KCNIP4: variants seen among roughly 807,000 people sequenced by gnomAD.
The protein encoded by KCNIP4 is potassium voltage-gated channel interacting protein 4, also known as Kv channel-interacting protein 4.
KCNIP4 carries 12 observed loss-of-function variants against 34.0 expected under a neutral mutation model. The observed-to-expected ratio is 0.35, with a 90% CI of 0.23 to 0.57. The LOEUF is 0.57. KCNIP4 is among the 20% of genes least tolerant of loss of function. The pLI is 0.83. For synonymous variants in KCNIP4, 124 were observed against 102.2 expected (o/e 1.21, Z -1.29); for missense variants, 238 against 311.7 (o/e 0.76, Z 1.78).
At chr4:21,657,087 G>A (rs1389935709) in intron 1 of KCNIP4, among the ~76,000 whole-genome samples, 6 of 152,176 alleles carry the variant, frequency 3.9e-5, no homozygotes, top group African/African-American at 1.4e-4. Context: ...CAGCTAGTGT[G>A]ATGAATAATA....
intron 2 of KCNIP4, among the ~76,000 whole-genome samples, chr4:20,871,303 C>G (rs1723433081): frequency 6.6e-6 from 1 of 152,000 alleles, no homozygotes; most frequent in Non-Finnish European, 1.5e-5. Flanking sequence ...AGACATGGTT[C>G]TGAAGTTGAT....
chr4:21,087,181 T>C (rs1746535588), intron 1 of KCNIP4, among the ~76,000 whole-genome samples: 1 of 149,762 alleles, frequency 6.7e-6, no homozygotes, highest in African/African-American at 2.5e-5. Context: ...TGTGTGTGTG[T>C]GTGTGTGTGT....
At chr4:21,109,230 T>A (rs981765495) in intron 1 of KCNIP4, among the ~76,000 whole-genome samples, 5 of 152,218 alleles carry the variant, frequency 3.3e-5, no homozygotes, top group African/African-American at 9.6e-5. Context: ...CAGGCAGGCC[T>A]CCTTGAGCTG....
chr4:20,925,153 T>G (rs1048417319), intron 1 of KCNIP4, among the ~76,000 whole-genome samples: 2 of 152,144 alleles, frequency 1.3e-5, no homozygotes, highest in Non-Finnish European at 2.9e-5. Flanking sequence ...GTTACCTGTG[T>G]TGGGAGTCCC....
In KCNIP4 at chr4:21,410,153, G is replaced by A. The variant is rs115358771; in HGVS notation, c.62-527444C>T. On this transcript the variant is annotated intron_variant, in intron 1 of 8. Transcript: ENST00000382152. Reference sequence around the variant, plus strand: ...TATATTTTGTTCAAATTAACAATGAGACCCATGGCTTTGAATTCAAAAGTG... The same window carrying A: ...TATATTTTGTTCAAATTAACAATGAAACCCATGGCTTTGAATTCAAAAGTG... Among the ~76,000 whole-genome samples the A allele has an allele frequency of 6.3e-3, 963 of 152,230 alleles. 13 individuals are homozygous for A. Among genetic ancestry groups the A allele is most frequent in the African/African-American group, 0.022 (911 of 41,546 alleles).
chr4:20,987,001 C>G (rs1444760626), intron 1 of KCNIP4, among the ~76,000 whole-genome samples: 1 of 152,158 alleles, frequency 6.6e-6, no homozygotes, highest in African/African-American at 2.4e-5. Context: ...GGCTCTTTCA[C>G]ATGCACCCCC....
intron 1 of KCNIP4, among the ~76,000 whole-genome samples, chr4:21,168,492 C>A (rs1753795433): frequency 6.6e-6 from 1 of 152,140 alleles, no homozygotes; most frequent in African/African-American, 2.4e-5. Context: ...TAACCATAGG[C>A]TAGATAGGCT....
intron 1 of KCNIP4, among the ~76,000 whole-genome samples, chr4:21,225,706 C>A (rs1170320460): frequency 1.3e-5 from 2 of 152,070 alleles, no homozygotes; most frequent in Non-Finnish European, 2.9e-5. Context: ...AGGTTAGATT[C>A]ATTGCTTTTA....
intron 1 of KCNIP4, among the ~76,000 whole-genome samples, chr4:21,250,329 C>A (rs1760612345): frequency 6.6e-6 from 1 of 151,850 alleles, no homozygotes; most frequent in Non-Finnish European, 1.5e-5. Context: ...TATGAAACTT[C>A]TTCCTTACAG....
intron 1 of KCNIP4, among the ~76,000 whole-genome samples, chr4:21,183,087 A>G (rs945872670): frequency 6.6e-6 from 1 of 152,124 alleles, no homozygotes; most frequent in Non-Finnish European, 1.5e-5. Context: ...GATTTCACAT[A>G]TATGTGATCT....
At chr4:21,578,043 T>G (rs943861085) in intron 1 of KCNIP4, among the ~76,000 whole-genome samples, 2 of 151,656 alleles carry the variant, frequency 1.3e-5, no homozygotes, top group Non-Finnish European at 2.9e-5. Flanking sequence ...GTGTAGATTA[T>G]TAAGAGTTCA....
chr4:21,253,385 C>A (rs1407788421), intron 1 of KCNIP4, among the ~76,000 whole-genome samples: 1 of 152,174 alleles, frequency 6.6e-6, no homozygotes, highest in Non-Finnish European at 1.5e-5. Context: ...GAATAAATTT[C>A]AGTAGGTTAT....
chr4:21,785,677 C>T (rs982857765), intron 1 of KCNIP4, among the ~76,000 whole-genome samples: 12 of 152,244 alleles, frequency 7.9e-5, no homozygotes, highest in East Asian at 3.9e-4. Flanking sequence ...CCTAAGTATT[C>T]GCTAACCTAT....
intron 1 of KCNIP4, among the ~76,000 whole-genome samples, chr4:21,324,684 A>T (rs1334501948): frequency 6.7e-6 from 1 of 148,800 alleles, no homozygotes; most frequent in Non-Finnish European, 1.5e-5. Context: ...AGGTAATGTG[A>T]TTCCTCCAGT....
intron 1 of KCNIP4, among the ~76,000 whole-genome samples, chr4:21,317,848 C>T (rs2109292243): frequency 6.6e-6 from 1 of 152,282 alleles, no homozygotes; most frequent in Non-Finnish European, 1.5e-5. Flanking sequence ...AGTCTTCCTG[C>T]ACAAGCTCTC....
intron 1 of KCNIP4, among the ~76,000 whole-genome samples, chr4:21,643,869 AT>A (rs200765409): frequency 0.14 from 13,392 of 95,402 alleles, 699 homozygotes; most frequent in South Asian, 0.2. Context: ...GATGATGATG[AT>A]GATAGATAGA....
intron 1 of KCNIP4, among the ~76,000 whole-genome samples, chr4:21,301,746 T>C (rs1711736701): frequency 6.6e-6 from 1 of 152,168 alleles, no homozygotes. Flanking sequence ...CACATTCTGA[T>C]CTATAGACTT....
At chr4:21,435,242 G>A (rs1205925644) in intron 1 of KCNIP4, among the ~76,000 whole-genome samples, 1 of 152,158 alleles carries the variant, frequency 6.6e-6, no homozygotes, top group Non-Finnish European at 1.5e-5. Flanking sequence ...GAGACATGCG[G>A]ACACGTGAAT....
At chr4:20,735,736 C>T (rs553799745) in intron 5 of KCNIP4, among the ~76,000 whole-genome samples, 1 of 152,112 alleles carries the variant, frequency 6.6e-6, no homozygotes, top group East Asian at 1.9e-4. Flanking sequence ...GGGGTTTCAC[C>T]ATGTTGGCCA....
Sources: allele counts gnomAD v4.1 joint callset (sites outside exome capture counted in the v4.1 genomes callset), GRCh38; gene constraint gnomAD v4.1.1; transcripts MANE v1.5; gene names NCBI Gene and HGNC (gene_info 2026-07-23, HGNC 2026-07-21).